The following CDH18 variants were observed in gnomAD, a reference collection of about 807,000 sequenced individuals.
CDH18 encodes cadherin-18.
CDH18 carries 31 observed loss-of-function variants against 67.9 expected under a neutral mutation model. The observed-to-expected ratio is 0.46, with a 90% CI of 0.34 to 0.62. The LOEUF (loss-of-function observed/expected upper bound fraction) is 0.62. Among genes scored for constraint, CDH18 ranks in the 20% least tolerant of loss-of-function variants. The pLI, the probability that CDH18 is intolerant of heterozygous loss-of-function variation, is 0.01. For synonymous variants in CDH18, 362 were observed against 347.2 expected (o/e 1.04, Z -0.48); for missense variants, 890 against 975.5 (o/e 0.91, Z 1.17).
rs568565468 is a variant in CDH18 at position 19,643,242 on chromosome 5, A to G, written c.644-30641T>C. ...CCTTGTACACTATTGGTGGGAATGT[A>G]AATTGGCACAGAAATTATGAAAAAC... On this transcript the variant is annotated intron_variant, in intron 5 of 12. Transcript: ENST00000382275. Among the ~76,000 whole-genome samples the G allele has an allele frequency of 9.9e-5, 15 of 152,246 alleles. No homozygotes were observed. In the South Asian group the frequency reaches 2.1e-3, roughly 21 times the overall value.
rs183550683 is a variant in CDH18, at chr5:19,975,895, C to T, written c.-257+5165G>A. ...ATACCAAATTTAAGTGTTAAAAATA[C>T]CTTTTTGCATACACATTAAATCCTC... On this transcript the variant is annotated intron_variant, in intron 2 of 12. Coordinates refer to ENST00000382275, the MANE Select transcript of CDH18 (RefSeq NM_004934.5). Among the ~76,000 whole-genome samples, 491 of 147,040 alleles carry T rather than the reference C, an allele frequency of 3.3e-3. 2 individuals carry two copies. The highest frequency in any genetic ancestry group is 7.1e-3 in the Middle Eastern group (2 of 280).
At chr5:19,656,982 G>A (rs1287124092) in intron 5 of CDH18, among the ~76,000 whole-genome samples, 6 of 151,948 alleles carry the variant, frequency 3.9e-5, no homozygotes, top group East Asian at 1.9e-4. Flanking sequence ...AACATGGTAT[G>A]GGAATGAAGA....
rs1419757466 is a variant in CDH18, at chr5:20,073,313, G to T, written c.-517-81299C>A. On this transcript the variant is annotated intron_variant, in intron 2 of 14. Coordinates refer to the CDH18 transcript ENST00000507958. ...CATTGCTCTTTTCTTTTTCCATTGT[G>T]GGGGTTAGTGGGTGGAGCTGCAGTA... Among the ~76,000 whole-genome samples the T allele has an allele frequency of 5.3e-5, 8 of 151,804 alleles. No homozygotes were observed. The East Asian group carries it at 1.4e-3, about 26-fold the overall frequency.
chr5:20,137,033 C>T (rs937644035), intron 2 of CDH18, among the ~76,000 whole-genome samples: 1 of 152,070 alleles, frequency 6.6e-6, no homozygotes, highest in African/African-American at 2.4e-5. Flanking sequence ...TTCATTTCAA[C>T]TTTGGTGAAT....
intron 2 of CDH18, among the ~76,000 whole-genome samples, chr5:20,015,704 T>C (rs763051407): frequency 6.6e-6 from 1 of 152,240 alleles, no homozygotes; most frequent in African/African-American, 2.4e-5. Context: ...AAAATCACAA[T>C]AAGCTGCCAT....
intron 1 of CDH18, among the ~76,000 whole-genome samples, chr5:20,325,087 C>T (rs10056461): frequency 0.013 from 1,998 of 152,154 alleles, 14 homozygotes; most frequent in Admixed American, 0.019. Flanking sequence ...TTTAAAGAAC[C>T]GAATGCTTTT....
intron 1 of CDH18, among the ~76,000 whole-genome samples, chr5:20,369,898 G>A (rs892792175): frequency 7.9e-5 from 12 of 152,174 alleles, no homozygotes; most frequent in Middle Eastern, 3.4e-3. Context: ...TGGGGTACAC[G>A]TGTAGGGTGT....
chr5:20,256,085 G>A (rs1288398302), intron 1 of CDH18, among the ~76,000 whole-genome samples: 1 of 151,848 alleles, frequency 6.6e-6, no homozygotes, highest in East Asian at 1.9e-4. Flanking sequence ...TTCTAGAATT[G>A]TGACTATTAG....
At chr5:19,633,427 C>T (rs1306895099) in intron 5 of CDH18, among the ~76,000 whole-genome samples, 1 of 151,952 alleles carries the variant, frequency 6.6e-6, no homozygotes, top group Non-Finnish European at 1.5e-5. Flanking sequence ...AAAACAGTTC[C>T]CAAATGGATA....
rs531700612 is a variant in CDH18, at chr5:20,374,501, C to T, written c.-579-118996G>A. Reference sequence around the variant, plus strand: ...GGGTTTGAATTTAATCTAAGGAATTCCCTAGTGTTTTACAAAATATTGTAA... The same window carrying T: ...GGGTTTGAATTTAATCTAAGGAATTTCCTAGTGTTTTACAAAATATTGTAA... On this transcript the variant is annotated intron_variant, in intron 1 of 14. Transcript: ENST00000507958. Among the ~76,000 whole-genome samples, 5 of 152,186 alleles carry T rather than the reference C, an allele frequency of 3.3e-5. No homozygotes were observed. In the East Asian group the frequency reaches 7.7e-4, roughly 24 times the overall value.
intron 1 of CDH18, among the ~76,000 whole-genome samples, chr5:20,312,995 A>G (rs1468397027): frequency 2.6e-5 from 4 of 152,150 alleles, no homozygotes; most frequent in African/African-American, 9.7e-5. Flanking sequence ...AGGTGCTTAA[A>G]ACAATGGTTG....
intron 1 of CDH18, among the ~76,000 whole-genome samples, chr5:20,356,754 T>C (rs1481339730): frequency 2.7e-5 from 3 of 113,130 alleles, no homozygotes; most frequent in Non-Finnish European, 6.1e-5. Flanking sequence ...TCTCTCTCTC[T>C]ATATATATAT....
Position 19,839,072 on chromosome 5 carries a change from G to C in CDH18, c.-86C>G. 1 of 1,009,524 alleles carries C rather than the reference G, an allele frequency of 9.9e-7. No individual in the cohort carries two copies. The highest frequency in any genetic ancestry group is 1.5e-6 in the Non-Finnish European group (1 of 649,548). The allele number at this position is 1,009,524 out of a possible 1,614,324, so 62.5% of individuals were successfully genotyped here. A position where few individuals can be genotyped will look rare whatever the true frequency, so the allele number is the denominator to read the frequency against. On this transcript the variant is annotated 5_prime_UTR_variant, in exon 3 of 13. Transcript: ENST00000382275. The stretch of plus-strand genomic sequence containing the variant: ...GTGAGCATTCAAGAGAGAAGCCAGA[G>C]CATCTTTAGGAAGGACAGTCCAAAG...
At chr5:19,735,108 G>C (rs1337352738) in intron 4 of CDH18, among the ~76,000 whole-genome samples, 1 of 152,066 alleles carries the variant, frequency 6.6e-6, no homozygotes, top group Non-Finnish European at 1.5e-5. Flanking sequence ...ATAGACAGTA[G>C]AATATTATTG....
chr5:19,530,262 T>C (rs916622178), intron 9 of CDH18, among the ~76,000 whole-genome samples: 2 of 152,102 alleles, frequency 1.3e-5, no homozygotes, highest in African/African-American at 2.4e-5. Flanking sequence ...CCACTCATCA[T>C]ATATAAAACA....
intron 5 of CDH18, among the ~76,000 whole-genome samples, chr5:19,679,262 G>C (rs1228665808): frequency 6.6e-6 from 1 of 151,898 alleles, no homozygotes; most frequent in South Asian, 2.1e-4. Context: ...ACCCCTTCAT[G>C]TTGAAAATTC....
At chr5:19,958,944 T>A (rs555679606) in intron 2 of CDH18, among the ~76,000 whole-genome samples, 87 of 152,098 alleles carry the variant, frequency 5.7e-4, no homozygotes, top group Non-Finnish European at 1.0e-3. Flanking sequence ...CTCACTGCCA[T>A]ACCATCTTCT....
chr5:19,875,624 A>T (rs1020248614), intron 2 of CDH18, among the ~76,000 whole-genome samples: 1 of 152,002 alleles, frequency 6.6e-6, no homozygotes, highest in Admixed American at 6.6e-5. Flanking sequence ...ACATATATAC[A>T]TACACATAAA....
intron 1 of CDH18, chr5:20,304,088 G>A: frequency 1.2e-6 from 2 of 1,610,414 alleles, no homozygotes; most frequent in Non-Finnish European, 1.7e-6. Flanking sequence ...CAACTCGTCT[G>A]CATCCTCGCT....
Sources: allele counts gnomAD v4.1 joint callset (sites outside exome capture counted in the v4.1 genomes callset), GRCh38; gene constraint gnomAD v4.1.1; transcripts MANE v1.5; gene names NCBI Gene and HGNC (gene_info 2026-07-23, HGNC 2026-07-21).